The following CSF2RA variants were observed in gnomAD, a reference collection of about 807,000 sequenced individuals.
CSF2RA encodes colony stimulating factor 2 receptor subunit alpha.
Under a neutral mutation model 51.6 loss-of-function variants are expected in CSF2RA, and 42 were observed. That is an observed-to-expected ratio of 0.81 (90% CI 0.64 to 1.05). The LOEUF is 1.05. CSF2RA is among the 50% of genes least tolerant of loss of function. The pLI is 0.00. For missense variants in CSF2RA, 530 were observed against 501.1 expected, an observed-to-expected ratio of 1.06 and a Z score of -0.55; for synonymous variants, 222 against 193.0, an observed-to-expected ratio of 1.15 and a Z score of -1.24.
chrX:1,280,348 A>G (rs1319135879), intron 2 of CSF2RA, among the ~76,000 whole-genome samples: 5 of 151,642 alleles, frequency 3.3e-5, no homozygotes, highest in East Asian at 2.0e-4. Flanking sequence ...GCGGGCGCCT[A>G]TAATCCCAGC....
downstream of CSF2RA, among the ~76,000 whole-genome samples, chrX:1,312,799 G>A (rs141365984): frequency 0.056 from 8,564 of 152,058 alleles, 418 homozygotes; most frequent in East Asian, 0.22. Flanking sequence ...AACCCCAGCC[G>A]GCCCCTTGCT....
At chrX:1,304,191 G>A (rs866447553) in intron 11 of CSF2RA, among the ~76,000 whole-genome samples, 172 bp downstream of exon 11, 2 of 14,004 alleles carry the variant, frequency 1.4e-4, no homozygotes, top group African/African-American at 4.4e-4. Flanking sequence ...GGTGGATCAC[G>A]AGGTCAGGAG....
At chrX:1,294,568 G>T in intron 8 of CSF2RA, 107 bp downstream of exon 8, 1 of 1,416,628 alleles carries the variant, frequency 7.1e-7, no homozygotes, top group South Asian at 1.2e-5. Context: ...AGGATGCGTG[G>T]GTGGTGAGCG....
At chrX:1,310,200 A>C (rs1337980873), downstream of CSF2RA, 3 of 177,042 alleles carry the variant, frequency 1.7e-5, no homozygotes, top group African/African-American at 7.2e-5. Context: ...GTCTCAAAAA[A>C]AGTGATACTT....
chrX:1,281,112 T>G (rs867457994), intron 2 of CSF2RA, among the ~76,000 whole-genome samples: 2 of 25,072 alleles, frequency 8.0e-5, no homozygotes, highest in African/African-American at 2.1e-4. Flanking sequence ...TCCTCCTCCT[T>G]CTCCTCCTCC....
the CSF2RA span, among the ~76,000 whole-genome samples, chrX:1,319,170 A>G: frequency 1.4e-5 from 2 of 147,804 alleles, no homozygotes; most frequent in Admixed American, 6.8e-5. Flanking sequence ...TAATTTTTGT[A>G]TTTTTAGTAA....
chrX:1,288,711 C>T, intron 5 of CSF2RA, 48 bp from the exon 6 acceptor site: 1 of 1,613,912 alleles, frequency 6.2e-7, no homozygotes, highest in Non-Finnish European at 8.5e-7. Context: ...CAAAGTACAT[C>T]CCGTTGAACT....
At chrX:1,293,343 C>T (rs1315373559) in intron 7 of CSF2RA, among the ~76,000 whole-genome samples, 7 of 152,212 alleles carry the variant, frequency 4.6e-5, no homozygotes, top group South Asian at 2.1e-4. Context: ...CTCAGCCTCC[C>T]GAGTAGCTGG....
chrX:1,296,382 G>C (rs372360566), intron 9 of CSF2RA, among the ~76,000 whole-genome samples: 423 of 63,474 alleles, frequency 6.7e-3, no homozygotes, highest in Non-Finnish European at 0.01. Context: ...GACCCGTACA[G>C]TCTCCTACCC....
At chrX:1,323,720 T>G in the CSF2RA span, among the ~76,000 whole-genome samples, 2 of 150,514 alleles carry the variant, frequency 1.3e-5, no homozygotes, top group Non-Finnish European at 1.5e-5. Flanking sequence ...CCCCATCTCT[T>G]AAAAAAAATG....
At chrX:1,305,781 G>A (rs2083503365) in intron 12 of CSF2RA, 2 of 1,551,108 alleles carry the variant, frequency 1.3e-6, no homozygotes, top group East Asian at 2.4e-5. Flanking sequence ...AAGAAAAGGA[G>A]GAGAAGACGG....
At chrX:1,318,052 G>A in the CSF2RA span, among the ~76,000 whole-genome samples, 3 of 151,222 alleles carry the variant, frequency 2.0e-5, no homozygotes, top group East Asian at 1.9e-4. Flanking sequence ...GCAGTGGAGC[G>A]ATCTCGGCTC....
At chrX:1,279,212 G>A (rs187424744) in intron 2 of CSF2RA, among the ~76,000 whole-genome samples, 419 of 149,796 alleles carry the variant, frequency 2.8e-3, no homozygotes, top group African/African-American at 8.9e-3. Context: ...TTAGCCAGGC[G>A]TGTTGGTGCG....
rs757171159 is a variant in CSF2RA at position 1,282,689 on chromosome X, T to C, written c.-15T>C. ...TTTCTCTCCTGCAGCTCTTCCCTTC[T>C]CTCTGACCAGCACCATGCTTCTCCT... On this transcript the variant is annotated 5_prime_UTR_variant, in exon 3 of 13. Coordinates refer to ENST00000381529, the MANE Select transcript of CSF2RA (RefSeq NM_172245.4). 6.2e-7 allele frequency: 1 copy of C among 1,610,700 alleles called. No homozygotes were observed. Among genetic ancestry groups the C allele is most frequent in the Non-Finnish European group, 8.5e-7 (1 of 1,176,934 alleles).
chrX:1,304,474 G>C (rs2083346212), intron 11 of CSF2RA, among the ~76,000 whole-genome samples: 1 of 150,938 alleles, frequency 6.6e-6, no homozygotes. Flanking sequence ...AATCTTTCTA[G>C]AATCTTCCCT....
At chrX:1,299,992 C>T (rs1300001557) in intron 9 of CSF2RA, among the ~76,000 whole-genome samples, 13 of 151,228 alleles carry the variant, frequency 8.6e-5, no homozygotes, top group Non-Finnish European at 1.5e-4. Flanking sequence ...CCGAGGCGGT[C>T]GGATCACGAG....
chrX:1,272,813 CTT>C (rs2088621702), intron 1 of CSF2RA, among the ~76,000 whole-genome samples: 1 of 88,094 alleles, frequency 1.1e-5, no homozygotes. Context: ...TTTTTTTTTT[CTT>C]TCTTTTTTTC....
intron 9 of CSF2RA, 112 bp downstream of exon 9, chrX:1,295,568 T>C: frequency 1.2e-6 from 1 of 833,160 alleles, no homozygotes. Context: ...TACAGTCCCC[T>C]ACCGACGACC....
At chrX:1,314,463 GCCCAAC>G (rs1569514873), downstream of CSF2RA, among the ~76,000 whole-genome samples, 9 of 145,794 alleles carry the variant, frequency 6.2e-5, no homozygotes, top group African/African-American at 1.6e-4. Flanking sequence ...CACTGCACCT[GCCCAAC>G]CCCAATGCAC....
Sources: allele counts gnomAD v4.1 joint callset (sites outside exome capture counted in the v4.1 genomes callset), GRCh38; gene constraint gnomAD v4.1.1; transcripts MANE v1.5; gene names NCBI Gene and HGNC (gene_info 2026-07-23, HGNC 2026-07-21).